Variants in OTUD7A observed in about 807,000 individuals in gnomAD.
OTUD7A encodes OTU deubiquitinase 7A.
In OTUD7A, 12 loss-of-function variants were observed where a neutral mutation model predicts 65.7. The ratio of observed to expected loss-of-function variants is 0.18; its 90% CI spans 0.12 to 0.30. The LOEUF (loss-of-function observed/expected upper bound fraction) is 0.30. Among genes scored for constraint, OTUD7A ranks in the 10% least tolerant of loss-of-function variants. The probability of loss-of-function intolerance (pLI) is 1.00; values close to 1 mark genes in which losing one functional copy is unlikely to be tolerated. For missense variants in OTUD7A, 1,148 were observed against 1,304.8 expected (o/e 0.88, Z 1.85); for synonymous variants, 641 against 586.3 (o/e 1.09, Z -1.35).
chr15:31,522,484 C>T lies in OTUD7A; in HGVS notation c.893+3865G>A, dbSNP rs531490876. On this transcript the variant is annotated intron_variant, in intron 8 of 12. Transcript: ENST00000307050. Reference sequence around the variant, plus strand: ...TGGGAATTCTCAGACACCATAATCACGTGAGCCAATACCTACATTAGATCT... The same window carrying T: ...TGGGAATTCTCAGACACCATAATCATGTGAGCCAATACCTACATTAGATCT... 2.2e-4 allele frequency among the ~76,000 whole-genome samples: 33 copies of T among 152,340 alleles called. 2 individuals carry two copies. In the South Asian group the frequency reaches 6.2e-3, roughly 29 times the overall value.
At chr15:31,508,668 G>A (rs1427630172) in intron 8 of OTUD7A, among the ~76,000 whole-genome samples, 1 of 152,244 alleles carries the variant, frequency 6.6e-6, no homozygotes, top group Admixed American at 6.5e-5. Flanking sequence ...TGGTTTGTAG[G>A]CTGGTGCTGA....
intron 9 of OTUD7A, among the ~76,000 whole-genome samples, chr15:31,502,872 TA>T (rs1216862458): frequency 2.6e-5 from 4 of 152,224 alleles, no homozygotes; most frequent in African/African-American, 9.6e-5. Context: ...CCTGGCTACA[TA>T]ACCATCGTGG....
At chr15:31,559,376 T>C (rs533725193) in intron 4 of OTUD7A, among the ~76,000 whole-genome samples, 189 bp from the exon 5 acceptor site, 1 of 152,122 alleles carries the variant, frequency 6.6e-6, no homozygotes, top group South Asian at 2.1e-4. Flanking sequence ...GAACACACCA[T>C]ACATGTTCAC....
intron 1 of OTUD7A, among the ~76,000 whole-genome samples, chr15:31,768,659 A>G (rs967719123): frequency 1.5e-5 from 2 of 137,520 alleles, no homozygotes; most frequent in African/African-American, 2.9e-5. Context: ...CATCACAAAG[A>G]AAAAAAAAAA....
chr15:31,568,835 C>T (rs1595617784), intron 4 of OTUD7A, among the ~76,000 whole-genome samples: 1 of 152,208 alleles, frequency 6.6e-6, no homozygotes, highest in Admixed American at 6.5e-5. Flanking sequence ...CTCTCTCCTG[C>T]TCCTACCCTG....
chr15:31,715,131 C>T (rs1250050177), intron 1 of OTUD7A, among the ~76,000 whole-genome samples: 2 of 151,642 alleles, frequency 1.3e-5, no homozygotes, highest in African/African-American at 4.8e-5. Context: ...GACTCTGTCT[C>T]AAAAAAACAA....
At position 31,484,087 on chromosome 15, in the gene OTUD7A, T is replaced by A; in HGVS notation, c.2009A>T (p.Glu670Val). 1 of 1,598,598 alleles carries A rather than the reference T, an allele frequency of 6.3e-7. No homozygotes were observed. Among genetic ancestry groups the A allele is most frequent in the Non-Finnish European group, 8.5e-7 (1 of 1,178,002 alleles). ...MIGYYLTSAQ[E>V]RFSAEQEQRR... is the part of the protein sequence containing the mutation. ...CTGCTCCTGCTCGGCGCTGAAGCGC[T>A]CCTGCGCGCTCGTCAGGTAGTAGCC... The change falls in exon 13 of 13, where the codon GAG becomes GTG. Residue 670 changes from glutamate (E) to valine (V), a missense_variant. This residue lies in a region of OTUD7A where 842 missense variants were observed against 769.5 expected (regional missense o/e 1.09). Transcript: ENST00000307050. This position sits in a 1 kb window ranked among gnomAD's most constrained non-coding sequence, Gnocchi z 4.5.
chr15:31,784,933 T>C (rs1408605861), intron 1 of OTUD7A, among the ~76,000 whole-genome samples: 3 of 152,110 alleles, frequency 2.0e-5, no homozygotes, highest in East Asian at 3.8e-4. Flanking sequence ...GGAGTTAAAG[T>C]AGGGTCAGTT....
intron 1 of OTUD7A, among the ~76,000 whole-genome samples, chr15:31,714,308 T>C (rs1893526818): frequency 6.6e-6 from 1 of 152,190 alleles, no homozygotes. Flanking sequence ...GTAGTATGAA[T>C]GAATGAACTG....
At chr15:31,647,220 T>C (rs1372350612) in intron 3 of OTUD7A, among the ~76,000 whole-genome samples, 1 of 152,126 alleles carries the variant, frequency 6.6e-6, no homozygotes, top group African/African-American at 2.4e-5. Flanking sequence ...AACTCCTGCT[T>C]AGGATTCATG....
intron 3 of OTUD7A, among the ~76,000 whole-genome samples, chr15:31,621,859 A>T (rs768952246): frequency 5.3e-5 from 8 of 151,878 alleles, no homozygotes; most frequent in African/African-American, 7.3e-5. Flanking sequence ...TCTTCCTAGC[A>T]TCGATGGTCT....
At chr15:31,795,275 T>G (rs1029764364) in intron 1 of OTUD7A, among the ~76,000 whole-genome samples, 2 of 152,330 alleles carry the variant, frequency 1.3e-5, no homozygotes, top group Admixed American at 1.3e-4. Context: ...ACGGTATGAT[T>G]GAGGCTTTCA....
intron 3 of OTUD7A, among the ~76,000 whole-genome samples, chr15:31,577,290 G>T (rs1889230501): frequency 2.0e-5 from 3 of 152,132 alleles, no homozygotes. Context: ...CTCTCTGAAG[G>T]CTGCTAGCTG....
chr15:31,692,795 C>G (rs1271571191), intron 1 of OTUD7A, among the ~76,000 whole-genome samples: 2 of 151,108 alleles, frequency 1.3e-5, no homozygotes, highest in African/African-American at 2.4e-5. Flanking sequence ...GCCTTTGACC[C>G]AGGGGTCCTG....
chr15:31,805,339 G>C (rs566713999), intron 1 of OTUD7A, among the ~76,000 whole-genome samples: 6 of 152,330 alleles, frequency 3.9e-5, no homozygotes, highest in African/African-American at 1.4e-4. Flanking sequence ...GGCTCCTGTA[G>C]ATGCACCTTG....
At chr15:31,557,753 C>A (rs1468610137) in intron 5 of OTUD7A, 1 of 152,198 alleles carries the variant, frequency 6.6e-6, no homozygotes, top group Non-Finnish European at 1.5e-5. Flanking sequence ...CCTGATTGGT[C>A]CATCCACCAA....
At chr15:31,782,346 G>C (rs1895562351) in intron 1 of OTUD7A, among the ~76,000 whole-genome samples, 1 of 152,228 alleles carries the variant, frequency 6.6e-6, no homozygotes, top group African/African-American at 2.4e-5. Context: ...AGCATAACCA[G>C]TCCTGGAAAG....
At chr15:31,869,658 A>G (rs1897972903) in intron 1 of OTUD7A, among the ~76,000 whole-genome samples, 1 of 152,188 alleles carries the variant, frequency 6.6e-6, no homozygotes, top group Admixed American at 6.5e-5. Context: ...AAGCCAATAG[A>G]CAGAAATAAA....
At chr15:31,653,627 A>C (rs2141276334) in intron 3 of OTUD7A, among the ~76,000 whole-genome samples, 1 of 150,028 alleles carries the variant, frequency 6.7e-6, no homozygotes, top group Admixed American at 6.6e-5. Flanking sequence ...TATAAAAGAC[A>C]TCAGGACAGA....
Sources: gnomAD v4.1 joint callset for allele counts (sites outside exome capture counted in the v4.1 genomes callset) on GRCh38, gnomAD v4.1.1 for gene constraint, gnomAD v4.1.1 regional missense constraint, Gnocchi (gnomAD v3.1) non-coding constraint, MANE v1.5 for transcripts, NCBI Gene and HGNC (gene_info 2026-07-23, HGNC 2026-07-21) for gene names.